Variants in KLF8 observed in about 807,000 individuals in gnomAD.
KLF8 encodes the protein KLF transcription factor 8.
In KLF8, 10 loss-of-function variants were observed where a neutral mutation model predicts 18.2. That is an observed-to-expected ratio of 0.55 (90% confidence interval 0.34 to 0.93). The LOEUF is 0.93. Among genes scored for constraint, KLF8 ranks in the 40% least tolerant of loss-of-function variants. KLF8 has a pLI of 0.02. For missense variants in KLF8, 264 were observed against 277.9 expected, an observed-to-expected ratio of 0.95 and a Z score of 0.36; for synonymous variants, 109 against 97.3, an observed-to-expected ratio of 1.12 and a Z score of -0.71.
At chrX:56,015,887 G>A in the KLF8 span, among the ~76,000 whole-genome samples, 3 of 111,608 alleles carry the variant, frequency 2.7e-5, no homozygotes, top group East Asian at 2.8e-4. Context: ...TGGGAACAGT[G>A]GACAATTTTG....
At chrX:56,003,341 C>T in the KLF8 span, among the ~76,000 whole-genome samples, 3 of 110,248 alleles carry the variant, frequency 2.7e-5, no homozygotes, top group East Asian at 2.8e-4. Flanking sequence ...ACCTGGGAGG[C>T]GGAGGTTGCA....
the KLF8 span, among the ~76,000 whole-genome samples, chrX:56,172,309 A>G: frequency 9.1e-6 from 1 of 109,980 alleles, no homozygotes; most frequent in Non-Finnish European, 1.9e-5. Flanking sequence ...TCCTGTGTCC[A>G]TGTGTTCTTA....
At chrX:56,141,779 A>C in the KLF8 span, among the ~76,000 whole-genome samples, 1 of 111,884 alleles carries the variant, frequency 8.9e-6, no homozygotes, top group African/African-American at 3.2e-5. Context: ...TCCTTAATAA[A>C]TAATATATGG....
the KLF8 span, among the ~76,000 whole-genome samples, chrX:56,164,749 A>ATTTTTTTTTTTTTTTTTTTTTTTG: frequency 4.3e-5 from 1 of 23,404 alleles, no homozygotes; most frequent in Non-Finnish European, 8.2e-5. Context: ...TTTTTTTTTT[A>ATTTTTTTTTTTTTTTTTTTTTTTG]ACTTTTTTTT....
chrX:56,274,283 C>T (rs564036019), intron 5 of KLF8, among the ~76,000 whole-genome samples: 1 of 112,300 alleles, frequency 8.9e-6, no homozygotes, highest in Admixed American at 9.4e-5. Flanking sequence ...TGATGTTGAG[C>T]ACCTTTTCAT....
chrX:56,072,249 TG>T, the KLF8 span, among the ~76,000 whole-genome samples: 1 of 111,977 alleles, frequency 8.9e-6, no homozygotes, highest in African/African-American at 3.2e-5. Flanking sequence ...TTTTCCAATT[TG>T]GAAATACAAA....
chrX:55,947,804 T>G, the KLF8 span, among the ~76,000 whole-genome samples: 1 of 111,835 alleles, frequency 8.9e-6, no homozygotes, highest in Non-Finnish European at 1.9e-5. Flanking sequence ...AAGATTCTTA[T>G]GTGTGTATAA....
intron 2 of KLF8, among the ~76,000 whole-genome samples, chrX:56,259,795 TTAAA>T (rs1219232086): frequency 6.3e-5 from 7 of 111,244 alleles, no homozygotes; most frequent in African/African-American, 1.6e-4. Context: ...TTAAAATTAT[TTAAA>T]TAAATAAATA....
chrX:56,160,100 A>C, the KLF8 span, among the ~76,000 whole-genome samples: 1 of 111,419 alleles, frequency 9.0e-6, no homozygotes, highest in Non-Finnish European at 1.9e-5. Context: ...CTTTGTTCTC[A>C]TTGGTTTCAA....
At chrX:56,061,542 T>A in the KLF8 span, among the ~76,000 whole-genome samples, 3 of 111,915 alleles carry the variant, frequency 2.7e-5, no homozygotes, top group African/African-American at 9.8e-5. Flanking sequence ...TTTGTCATGA[T>A]TTCCATTCTT....
the KLF8 span, among the ~76,000 whole-genome samples, chrX:56,174,552 A>T: frequency 1.1e-3 from 123 of 111,773 alleles, no homozygotes; most frequent in African/African-American, 3.9e-3. Flanking sequence ...TTCGTCTAAA[A>T]TTCTCTTTTT....
chrX:56,141,583 GT>G, the KLF8 span, among the ~76,000 whole-genome samples: 1 of 110,764 alleles, frequency 9.0e-6, no homozygotes, highest in Admixed American at 9.6e-5. Flanking sequence ...TCTTTAATCT[GT>G]TTGTTTAATC....
At position 56,288,193 on chromosome X, in the gene KLF8, C is replaced by A. The variant is rs1443122109; in HGVS notation, c.*3699C>A. Among the ~76,000 whole-genome samples the A allele has an allele frequency of 9.1e-6, 1 of 110,252 alleles. No individual in the cohort carries two copies. The highest frequency in any genetic ancestry group is 1.9e-5 in the Non-Finnish European group (1 of 52,811). On this transcript the variant is annotated 3_prime_UTR_variant, in exon 6 of 6. Coordinates refer to ENST00000468660, the MANE Select transcript of KLF8 (RefSeq NM_007250.5). ...GGCGGAGGTTGCAGTGAGCTGAGAT[C>A]ATGCCACTTCACTCCAGCCTGGGTG...
the KLF8 span, among the ~76,000 whole-genome samples, chrX:55,918,113 G>A: frequency 8.9e-6 from 1 of 111,831 alleles, no homozygotes; most frequent in Non-Finnish European, 1.9e-5. Flanking sequence ...AGAGATAACA[G>A]GAGCCCCAGA....
At chrX:56,050,046 T>G in the KLF8 span, among the ~76,000 whole-genome samples, 1 of 111,169 alleles carries the variant, frequency 9.0e-6, no homozygotes, top group Admixed American at 9.5e-5. Context: ...TTTTCTAGTT[T>G]ATTTGCATAG....
At chrX:56,041,675 T>TGTTGTTGTG in the KLF8 span, among the ~76,000 whole-genome samples, 559 of 108,055 alleles carry the variant, frequency 5.2e-3, 3 homozygotes, top group African/African-American at 9.9e-3. Flanking sequence ...GTTTTGTTGT[T>TGTTGTTGTG]GTTGTTGTTG....
chrX:56,108,564 T>C, the KLF8 span, among the ~76,000 whole-genome samples: 11 of 112,389 alleles, frequency 9.8e-5, no homozygotes, highest in Non-Finnish European at 2.1e-4. Context: ...TGATGTTAGT[T>C]ATTTGCATCT....
the KLF8 span, among the ~76,000 whole-genome samples, chrX:56,080,734 T>C: frequency 8.9e-6 from 1 of 112,008 alleles, no homozygotes; most frequent in African/African-American, 3.2e-5. Flanking sequence ...GATAATATCC[T>C]GCAGAGTGTT....
the KLF8 span, among the ~76,000 whole-genome samples, chrX:56,052,118 A>G: frequency 9.0e-6 from 1 of 111,497 alleles, no homozygotes; most frequent in East Asian, 2.8e-4. Flanking sequence ...TTTCAGTTCC[A>G]TCAGCTCCTT....
Sources: gnomAD v4.1 joint callset for allele counts (sites outside exome capture counted in the v4.1 genomes callset) on GRCh38, gnomAD v4.1.1 for gene constraint, MANE v1.5 for transcripts, NCBI Gene and HGNC (gene_info 2026-07-23, HGNC 2026-07-21) for gene names.